The following SEL1L2 variants were observed in gnomAD, a reference collection of about 807,000 sequenced individuals.
SEL1L2 encodes protein sel-1 homolog 2.
SEL1L2 carries 89 observed loss-of-function variants against 98.8 expected under a neutral mutation model. That is an observed-to-expected ratio of 0.90 (90% CI 0.76 to 1.07). The LOEUF is 1.07. Among genes scored for constraint, SEL1L2 ranks in the 50% least tolerant of loss-of-function variants. The pLI is 0.00. For missense variants in SEL1L2, 788 were observed against 812.0 expected (o/e 0.97, Z 0.36); for synonymous variants, 262 against 278.5 (o/e 0.94, Z 0.59).
chr20:13,901,067 C>T (rs1387571949), intron 5 of SEL1L2, among the ~76,000 whole-genome samples: 13 of 139,102 alleles, frequency 9.3e-5, no homozygotes, highest in African/African-American at 1.3e-4. Context: ...CTTTTTCTTT[C>T]TTTCTTTCTT....
chr20:13,933,972 T>TTTC (rs1702495978), intron 2 of SEL1L2, among the ~76,000 whole-genome samples: 2 of 151,370 alleles, frequency 1.3e-5, no homozygotes, highest in Non-Finnish European at 2.9e-5. Flanking sequence ...GGTTTTTTTT[T>TTTC]TTTTTAATTT....
At chr20:13,873,998 G>A (rs575342809) in intron 12 of SEL1L2, among the ~76,000 whole-genome samples, 27 of 152,278 alleles carry the variant, frequency 1.8e-4, no homozygotes, top group African/African-American at 5.8e-4. Flanking sequence ...ATGTGAGCCA[G>A]CAAGGGCAGG....
chr20:13,970,693 G>A (rs748318996), intron 1 of SEL1L2, among the ~76,000 whole-genome samples: 20 of 151,930 alleles, frequency 1.3e-4, no homozygotes, highest in Non-Finnish European at 2.5e-4. Flanking sequence ...TTAGCCAAGC[G>A]TGGTGGCAGG....
At chr20:13,953,970 A>C (rs2050395793) in intron 2 of SEL1L2, among the ~76,000 whole-genome samples, 1 of 152,208 alleles carries the variant, frequency 6.6e-6, no homozygotes, top group Non-Finnish European at 1.5e-5. Context: ...TCATTCTTTA[A>C]TGTGGAAGGA....
intron 12 of SEL1L2, among the ~76,000 whole-genome samples, chr20:13,874,842 G>A (rs950286126): frequency 1.3e-5 from 2 of 152,116 alleles, no homozygotes; most frequent in Admixed American, 1.3e-4. Context: ...CATCTTTACT[G>A]CCAGTGTTCC....
At chr20:13,928,042 T>C (rs1188546978) in intron 3 of SEL1L2, 2 of 152,206 alleles carry the variant, frequency 1.3e-5, no homozygotes, top group East Asian at 1.9e-4. Flanking sequence ...AGATGAGTTA[T>C]CCTAGGAACA....
intron 4 of SEL1L2, among the ~76,000 whole-genome samples, chr20:13,914,434 T>C (rs1435659446): frequency 6.6e-6 from 1 of 152,208 alleles, no homozygotes; most frequent in East Asian, 1.9e-4. Context: ...ATATCTTAAT[T>C]TGCTAAACAG....
At chr20:13,955,086 G>T (rs948669941) in intron 2 of SEL1L2, among the ~76,000 whole-genome samples, 1 of 152,124 alleles carries the variant, frequency 6.6e-6, no homozygotes, top group Non-Finnish European at 1.5e-5. Context: ...CATTTATTGA[G>T]TGTCTGCTAT....
At position 13,915,138 on chromosome 20, in the gene SEL1L2, C is replaced by T. The variant is rs989508244; in HGVS notation, c.387-1194G>A. The T allele has an allele frequency of 6.2e-6, 8 of 1,289,680 alleles. No individual in the cohort carries two copies. In the East Asian group the frequency reaches 4.4e-4, roughly 72 times the overall value. 79.9% of individuals were successfully genotyped at this position (1,289,680 alleles called of 1,614,324 possible). On this transcript the variant is annotated intron_variant, in intron 4 of 19. Transcript: ENST00000284951. The stretch of plus-strand genomic sequence containing the variant: ...AGACTCACCTTTATGTACAGCCCAT[C>T]CATGCTGAGGCTAAAATAAGCTGCT...
intron 2 of SEL1L2, among the ~76,000 whole-genome samples, chr20:13,935,442 T>A (rs1295546243): frequency 6.6e-6 from 1 of 152,300 alleles, no homozygotes; most frequent in East Asian, 1.9e-4. Flanking sequence ...AAGTTAGTGT[T>A]ATTTGATACA....
chr20:13,863,442 TCA>T (rs1990490122), intron 17 of SEL1L2, among the ~76,000 whole-genome samples: 1 of 152,150 alleles, frequency 6.6e-6, no homozygotes, highest in East Asian at 1.9e-4. Flanking sequence ...CACTTCGATT[TCA>T]CAGTCACAGG....
chr20:13,974,894 G>C (rs990000103), intron 1 of SEL1L2, among the ~76,000 whole-genome samples: 2 of 152,090 alleles, frequency 1.3e-5, no homozygotes, highest in African/African-American at 4.8e-5. Context: ...GGGAATTCCT[G>C]ATGATTTCAA....
intron 4 of SEL1L2, among the ~76,000 whole-genome samples, chr20:13,918,055 A>T (rs2048487269): frequency 6.6e-6 from 1 of 151,850 alleles, no homozygotes; most frequent in Admixed American, 6.6e-5. Flanking sequence ...CCTCCCGAAG[A>T]GCTGGGATTA....
upstream of SEL1L2, among the ~76,000 whole-genome samples, chr20:13,991,070 GA>G (rs965846598): frequency 1.3e-5 from 2 of 152,164 alleles, no homozygotes; most frequent in African/African-American, 4.8e-5. Flanking sequence ...AACTGCTGAG[GA>G]TTTACTGGAA....
intron 17 of SEL1L2, among the ~76,000 whole-genome samples, chr20:13,864,633 T>A (rs1227022991): frequency 6.6e-6 from 1 of 152,192 alleles, no homozygotes; most frequent in Non-Finnish European, 1.5e-5. Flanking sequence ...AGCGAGAGGA[T>A]CCTGCCATGT....
At chr20:13,876,194 G>T (rs1600558430) in intron 11 of SEL1L2, 79 bp from the exon 12 acceptor site, 1 of 985,320 alleles carries the variant, frequency 1.0e-6, no homozygotes, top group Non-Finnish European at 1.6e-6. Flanking sequence ...TGAAATAGAG[G>T]TAACAGTGGT....
upstream of SEL1L2, among the ~76,000 whole-genome samples, chr20:13,993,367 G>A (rs889892620): frequency 2.0e-5 from 3 of 152,196 alleles, no homozygotes; most frequent in African/African-American, 7.2e-5. Context: ...TCGAAGAGAT[G>A]GGGAAAACTG....
chr20:13,858,590 G>C (rs145083355), intron 18 of SEL1L2, among the ~76,000 whole-genome samples: 1 of 152,150 alleles, frequency 6.6e-6, no homozygotes, highest in South Asian at 2.1e-4. Context: ...TATTATTATC[G>C]TTATTGATAC....
chr20:13,887,964 T>C lies in SEL1L2; in HGVS notation c.641A>G (p.Asn214Ser). The C allele has an allele frequency of 6.2e-7, 1 of 1,613,796 alleles. No individual in the cohort carries two copies. The highest frequency in any genetic ancestry group is 8.5e-7 in the Non-Finnish European group (1 of 1,179,858). Residue 214 changes from asparagine to serine, a missense_variant, in exon 7 of 20, where the codon AAC becomes AGC. Transcript: ENST00000284951. ...AACCAAAATCATCTGGGACATCATG[T>C]TTCCTCCAGCACTTCCAAAGGTGTA... is the stretch of plus-strand genomic sequence containing the variant. Reference protein sequence around the residue: ...IYYTFGSAGGNMMSQMILGYR... With the variant: ...IYYTFGSAGGSMMSQMILGYR...
Sources: allele counts gnomAD v4.1 joint callset (sites outside exome capture counted in the v4.1 genomes callset), GRCh38; gene constraint gnomAD v4.1.1; transcripts MANE v1.5; gene names NCBI Gene and HGNC (gene_info 2026-07-23, HGNC 2026-07-21).